Variants in NAIF1 observed in about 807,000 individuals in gnomAD.
NAIF1 encodes the protein nuclear apoptosis inducing factor 1.
In NAIF1, 14 loss-of-function variants were observed where a neutral mutation model predicts 20.7. The ratio of observed to expected loss-of-function variants is 0.67; its 90% CI spans 0.45 to 1.05. The LOEUF is 1.05. Among genes scored for constraint, NAIF1 ranks in the 50% least tolerant of loss-of-function variants. The pLI is 0.00. For synonymous variants in NAIF1, 191 were observed against 191.4 expected (o/e 1.00, Z 0.02); for missense variants, 362 against 448.8 (o/e 0.81, Z 1.75).
intron 1 of NAIF1, chr9:128,066,039 G>C (rs1202088638): frequency 6.6e-6 from 1 of 152,272 alleles, no homozygotes. Context: ...GGTAATCCCA[G>C]TGCCCAGCAC....
chr9:128,062,331 T>G lies in NAIF1; in HGVS notation c.*1097A>C, dbSNP rs966920317. The G allele has an allele frequency of 5.9e-5, 9 of 152,272 alleles. No homozygotes were observed. Among genetic ancestry groups the G allele is most frequent in the African/African-American group, 1.9e-4 (8 of 41,416 alleles). The allele number at this position is 152,272 out of a possible 1,614,324, so 9.4% of individuals were successfully genotyped here. Reference sequence around the variant, plus strand: ...GGTCAGCTTCGCCTTTTCCTCCTCCTACGTTCAGGGTCAATTATGGCTTTG... The same window carrying G: ...GGTCAGCTTCGCCTTTTCCTCCTCCGACGTTCAGGGTCAATTATGGCTTTG... On this transcript the variant is annotated 3_prime_UTR_variant, in exon 2 of 2. Transcript: ENST00000373078.
At position 128,062,261 on chromosome 9, in the gene NAIF1, A is replaced by C. The variant is rs1467531528; in HGVS notation, c.*1167T>G. The C allele has an allele frequency of 6.6e-6, 1 of 152,280 alleles. No homozygotes were observed. Among genetic ancestry groups the C allele is most frequent in the Non-Finnish European group, 1.5e-5 (1 of 68,186 alleles). 9.4% of individuals were successfully genotyped at this position (152,280 alleles called of 1,614,324 possible). On this transcript the variant is annotated 3_prime_UTR_variant, in exon 2 of 2. Transcript: ENST00000373078. Reference sequence around the variant, plus strand: ...CGCCTCGGCCTCCCAAAGCGCTGGGATTACAGACTTGAGCCACCTCGCCCG... The same window carrying C: ...CGCCTCGGCCTCCCAAAGCGCTGGGCTTACAGACTTGAGCCACCTCGCCCG...
At chr9:128,064,962 C>T (rs553099109) in intron 1 of NAIF1, among the ~76,000 whole-genome samples, 52 of 137,480 alleles carry the variant, frequency 3.8e-4, no homozygotes, top group Non-Finnish European at 7.2e-4. Flanking sequence ...AAGAGCAAAA[C>T]TCCATCTCAT....
rs923002704 is a variant in NAIF1 at position 128,061,423 on chromosome 9, G to C, written c.*2005C>G. The C allele has an allele frequency of 6.6e-6, 1 of 152,162 alleles. No individual in the cohort carries two copies. Among genetic ancestry groups the C allele is most frequent in the African/African-American group, 2.4e-5 (1 of 41,428 alleles). 9.4% of individuals were successfully genotyped at this position (152,162 alleles called of 1,614,324 possible). On this transcript the variant is annotated 3_prime_UTR_variant, in exon 2 of 2. Transcript: ENST00000373078. ...TGCAGCGACCTTGCTGGGGCCATCAGACCGCACAGAGTGGAGGTGCCCAAG... is the reference window on the plus strand; with the variant it reads ...TGCAGCGACCTTGCTGGGGCCATCACACCGCACAGAGTGGAGGTGCCCAAG...
rs751976631 is a variant in NAIF1 at position 128,063,530 on chromosome 9, T to C, written c.882A>G (p.Lys294=). 6.2e-7 allele frequency: 1 copy of C among 1,610,290 alleles called. No homozygotes were observed. Among genetic ancestry groups the C allele is most frequent in the Admixed American group, 1.7e-5 (1 of 60,036 alleles). Residue 294 remains lysine, a synonymous_variant, in exon 2 of 2, where the codon AAA becomes AAG. Transcript: ENST00000373078. This position sits in a 1 kb window ranked among gnomAD's most constrained non-coding sequence, Gnocchi z 4.3. ...TGCTCTGCAGGTAGCGGCGGAAATC[T>C]TTGATCATAGGCCGGAGGACCTGGA... ...VLIQVLRPMI[K]DFRRYLQSNT...
intron 1 of NAIF1, among the ~76,000 whole-genome samples, chr9:128,065,110 C>CT (rs531413208): frequency 0.73 from 95,204 of 130,352 alleles, 35,749 homozygotes; most frequent in Non-Finnish European, 0.81. Flanking sequence ...ATGCTTTCTG[C>CT]TTTTTTTTTT....
rs1425940004 is a variant in NAIF1, at chr9:128,066,790, A to C, written c.312T>G (p.Ala104=). The C allele has an allele frequency of 6.2e-7, 1 of 1,609,924 alleles. No individual in the cohort carries two copies. Among genetic ancestry groups the C allele is most frequent in the South Asian group, 1.1e-5 (1 of 90,918 alleles). ...EAPGPTEEDG[A]GGPGTGGGSG... ...TGCCACCGCCTGTCCCAGGCCCCCC[A>C]GCTCCGTCCTCCTCAGTGGGCCCCG... The change falls in exon 1 of 2, where the codon GCT becomes GCG. Residue 104 remains alanine, a synonymous_variant. Coordinates refer to ENST00000373078, the MANE Select transcript of NAIF1 (RefSeq NM_197956.4).
At chr9:128,066,157 A>AT (rs1419531897) in intron 1 of NAIF1, 1 of 165,170 alleles carries the variant, frequency 6.1e-6, no homozygotes, top group African/African-American at 2.4e-5. Flanking sequence ...CTGATGAAAG[A>AT]TCCCCCACAC....
intron 1 of NAIF1, among the ~76,000 whole-genome samples, chr9:128,065,552 A>T (rs1832768182): frequency 6.6e-6 from 1 of 152,104 alleles, no homozygotes; most frequent in African/African-American, 2.4e-5. Context: ...CGATACTTAA[A>T]CATCCTTCCT....
Position 128,067,196 on chromosome 9 carries a change from C to A in NAIF1, c.-95G>T. 2 of 1,450,036 alleles carry A rather than the reference C, an allele frequency of 1.4e-6. No individual in the cohort carries two copies. The highest frequency in any genetic ancestry group is 1.3e-5 in the South Asian group (1 of 74,654). 89.8% of individuals were successfully genotyped at this position (1,450,036 alleles called of 1,614,324 possible). Reference sequence around the variant, plus strand: ...TCCTCAGCCTCGCCCCTCACCCACCCCCTACAGGGGATAGGCCAGGCTTGC... The same window carrying A: ...TCCTCAGCCTCGCCCCTCACCCACCACCTACAGGGGATAGGCCAGGCTTGC... On this transcript the variant is annotated 5_prime_UTR_variant, in exon 1 of 2. Transcript: ENST00000373078.
Position 128,063,468 on chromosome 9 carries a change from T to A in NAIF1, c.944A>T (p.Gln315Leu). 3 of 1,609,524 alleles carry A rather than the reference T, an allele frequency of 1.9e-6. No individual in the cohort carries two copies. The highest frequency in any genetic ancestry group is 2.5e-6 in the Non-Finnish European group (3 of 1,179,948). ...ANPAPASDPG[Q>L]VAQNGQPDSI... is the part of the protein sequence containing the mutation. ...GTCTGGCTGCCCATTCTGGGCCACC[T>A]GCCCAGGGTCAGAGGCGGGGGCCGG... The change falls in exon 2 of 2, where the codon CAG (glutamine) becomes CTG (leucine). Residue 315 changes from glutamine to leucine, a missense_variant. By Grantham distance (113) the Gln-to-Leu change is moderately radical. Transcript: ENST00000373078. This position sits in a 1 kb window ranked among gnomAD's most constrained non-coding sequence, Gnocchi z 4.3.
chr9:128,064,008 A>G, intron 1 of NAIF1, 108 bp from the exon 2 acceptor site: 1 of 903,988 alleles, frequency 1.1e-6, no homozygotes, highest in East Asian at 2.6e-5. Flanking sequence ...GGAGGGACAT[A>G]AAGGGGAATC....
intron 1 of NAIF1, 174 bp downstream of exon 1, chr9:128,066,417 G>T: frequency 1.7e-6 from 1 of 595,274 alleles, no homozygotes; most frequent in Non-Finnish European, 2.6e-6. Context: ...TGCTGAGGAA[G>T]TCCCAAAGAG....
chr9:128,067,208 T>C lies in NAIF1; in HGVS notation c.-107A>G. The C allele has an allele frequency of 7.2e-7, 1 of 1,380,952 alleles. No homozygotes were observed. The highest frequency in any genetic ancestry group is 9.7e-7 in the Non-Finnish European group (1 of 1,027,330). The allele number at this position is 1,380,952 out of a possible 1,614,324, so 85.5% of individuals were successfully genotyped here. A position where few individuals can be genotyped will look rare whatever the true frequency, so the allele number is the denominator to read the frequency against. Reference sequence around the variant, plus strand: ...CCCCTCACCCACCCCCTACAGGGGATAGGCCAGGCTTGCTCGAGGCCAAGC... The same window carrying C: ...CCCCTCACCCACCCCCTACAGGGGACAGGCCAGGCTTGCTCGAGGCCAAGC... On this transcript the variant is annotated 5_prime_UTR_variant, in exon 1 of 2. Coordinates refer to ENST00000373078, the MANE Select transcript of NAIF1 (RefSeq NM_197956.4).
At position 128,067,306 on chromosome 9, in the gene NAIF1, A is replaced by G. The variant is rs1479012713; in HGVS notation, c.-205T>C. 8 of 532,430 alleles carry G rather than the reference A, an allele frequency of 1.5e-5. No individual in the cohort carries two copies. In the East Asian group the frequency reaches 1.6e-4, roughly 11 times the overall value. The allele number at this position is 532,430 out of a possible 1,614,324, so 33.0% of individuals were successfully genotyped here. Reference sequence around the variant, plus strand: ...AGCCCCGACCGGCCCGGCCGCTGCCAGCCAGCAGCGTAATGGCTTCCTGAA... The same window carrying G: ...AGCCCCGACCGGCCCGGCCGCTGCCGGCCAGCAGCGTAATGGCTTCCTGAA... On this transcript the variant is annotated 5_prime_UTR_variant, in exon 1 of 2. Transcript: ENST00000373078.
At chr9:128,064,543 T>C (rs1250514231) in intron 1 of NAIF1, among the ~76,000 whole-genome samples, 1 of 152,194 alleles carries the variant, frequency 6.6e-6, no homozygotes, top group Non-Finnish European at 1.5e-5. Context: ...AAGAGGTTGG[T>C]GCTGTCATCT....
At chr9:128,064,936 C>T (rs1832761171) in intron 1 of NAIF1, among the ~76,000 whole-genome samples, 2 of 151,642 alleles carry the variant, frequency 1.3e-5, no homozygotes, top group Admixed American at 1.3e-4. Context: ...TGCCATTGCA[C>T]TCCAGCCTGG....
Position 128,063,992 on chromosome 9 carries a change from T to A in NAIF1, c.512-92A>T, listed in dbSNP as rs919553389. 1.8e-6 allele frequency: 2 copies of A among 1,111,714 alleles called. No homozygotes were observed. Among genetic ancestry groups the A allele is most frequent in the East Asian group, 5.1e-5 (2 of 39,582 alleles). 68.9% of individuals were successfully genotyped at this position (1,111,714 alleles called of 1,614,324 possible). On this transcript the variant is annotated intron_variant, in intron 1 of 1. Coordinates refer to ENST00000373078, the MANE Select transcript of NAIF1 (RefSeq NM_197956.4). This position sits in a 1 kb window ranked among gnomAD's most constrained non-coding sequence, Gnocchi z 4.3. The stretch of plus-strand genomic sequence containing the variant: ...GGGTGGGGAGGAGGCCATAAAGTCC[T>A]GTCCTGGAGGGACATAAAGGGGAAT...
chr9:128,063,262 G>A lies in NAIF1; in HGVS notation c.*166C>T. On this transcript the variant is annotated 3_prime_UTR_variant, in exon 2 of 2. Transcript: ENST00000373078. The surrounding 1 kb of genome is among the most constrained non-coding windows in gnomAD (Gnocchi z 4.3). ...GGGGGAGTATGAGTTTGGGTCCCAG[G>A]AGCCCAACAAATTCCTCTTCTCAAA... The A allele has an allele frequency of 1.5e-6, 1 of 653,658 alleles. No homozygotes were observed. The highest frequency in any genetic ancestry group is 2.6e-6 in the Non-Finnish European group (1 of 386,568). The allele number at this position is 653,658 out of a possible 1,614,324, so 40.5% of individuals were successfully genotyped here.
Sources: gnomAD v4.1 joint callset for allele counts (sites outside exome capture counted in the v4.1 genomes callset) on GRCh38, gnomAD v4.1.1 for gene constraint, Gnocchi (gnomAD v3.1) non-coding constraint, MANE v1.5 for transcripts, NCBI Gene and HGNC (gene_info 2026-07-23, HGNC 2026-07-21) for gene names.